EYS: variants seen among roughly 807,000 people sequenced by gnomAD.
EYS encodes the protein protein eyes shut homolog.
Under a neutral mutation model 282.1 loss-of-function variants are expected in EYS, and 250 were observed. The observed-to-expected ratio is 0.89, with a 90% CI of 0.80 to 0.98. EYS has a LOEUF of 0.98. Ranked by LOEUF, EYS falls within the 50% of genes least tolerant of loss-of-function variation. EYS has a pLI of 0.00. For missense variants in EYS, 4,016 were observed against 3,709.0 expected (o/e 1.08, Z -2.15); for synonymous variants, 1,355 against 1,282.9 (o/e 1.06, Z -1.20).
intron 12 of EYS, among the ~76,000 whole-genome samples, chr6:65,112,348 T>A (rs192974361): frequency 6.6e-6 from 1 of 152,244 alleles, no homozygotes; most frequent in East Asian, 1.9e-4. Context: ...TCAAATCTCA[T>A]GGCTAAAAAA....
intron 12 of EYS, among the ~76,000 whole-genome samples, chr6:65,146,582 G>C (rs1053435384): frequency 6.6e-6 from 1 of 151,834 alleles, no homozygotes; most frequent in African/African-American, 2.4e-5. Context: ...TGGTTGCTAC[G>C]TAATTACAAT....
chr6:64,985,773 A>C (rs1770839940), intron 14 of EYS, among the ~76,000 whole-genome samples: 1 of 151,504 alleles, frequency 6.6e-6, no homozygotes, highest in African/African-American at 2.4e-5. Flanking sequence ...GAATCTGGCA[A>C]TCTTAGACTG....
intron 41 of EYS, chr6:63,744,441 A>G: frequency 6.6e-6 from 1 of 152,232 alleles, no homozygotes; most frequent in Non-Finnish European, 1.5e-5. Flanking sequence ...GTCTAGCAGT[A>G]TCTGCTCCTC....
At chr6:64,166,040 A>C (rs940650132) in intron 31 of EYS, among the ~76,000 whole-genome samples, 1 of 148,876 alleles carries the variant, frequency 6.7e-6, no homozygotes, top group Non-Finnish European at 1.5e-5. Context: ...TTTTGTTATC[A>C]TGGGAGCTAA....
intron 33 of EYS, among the ~76,000 whole-genome samples, chr6:64,019,870 TTACA>T (rs1769102944): frequency 8.1e-6 from 1 of 122,938 alleles, no homozygotes. Flanking sequence ...ATATATATAC[TTACA>T]TATATAAGTG....
chr6:63,753,696 C>T (rs146200229), intron 41 of EYS, among the ~76,000 whole-genome samples: 1 of 152,274 alleles, frequency 6.6e-6, no homozygotes, highest in East Asian at 1.9e-4. Flanking sequence ...CAATCCCTCC[C>T]TTGATACATG....
At chr6:64,387,531 C>A (rs1003667198) in intron 29 of EYS, among the ~76,000 whole-genome samples, 3 of 151,970 alleles carry the variant, frequency 2.0e-5, no homozygotes, top group Non-Finnish European at 2.9e-5. Flanking sequence ...ATGTTTCATC[C>A]ATTCTTTAAC....
chr6:65,700,374 G>C (rs1289965876), intron 1 of EYS, among the ~76,000 whole-genome samples: 1 of 152,010 alleles, frequency 6.6e-6, no homozygotes, highest in East Asian at 1.9e-4. Context: ...AAGAGCTTTT[G>C]ACAATTGGGA....
chr6:63,870,638 T>C (rs1198880468), intron 35 of EYS, among the ~76,000 whole-genome samples: 1 of 152,182 alleles, frequency 6.6e-6, no homozygotes, highest in Non-Finnish European at 1.5e-5. Context: ...TGTTCTTGCT[T>C]CTAAATATGT....
chr6:65,186,134 C>T (rs1476485182), intron 12 of EYS, among the ~76,000 whole-genome samples: 2 of 151,636 alleles, frequency 1.3e-5, no homozygotes, highest in Non-Finnish European at 3.0e-5. Flanking sequence ...TATTAGCTAA[C>T]ATTTTCACTG....
chr6:63,946,508 A>G lies in EYS; in HGVS notation c.7055+37875T>C, dbSNP rs542767294. On this transcript the variant is annotated intron_variant, in intron 35 of 42. Transcript: ENST00000503581. ...TGGTAATCCTATTCACTTTTCATTAAGTTCTCTTTTATATAGGAGGTCTTA... is the reference window on the plus strand; with the variant it reads ...TGGTAATCCTATTCACTTTTCATTAGGTTCTCTTTTATATAGGAGGTCTTA... Among the ~76,000 whole-genome samples, 3 of 152,190 alleles carry G rather than the reference A, an allele frequency of 2.0e-5. No homozygotes were observed. The South Asian group carries it at 6.2e-4, about 32-fold the overall frequency.
chr6:63,875,510 C>T (rs1178216407), intron 35 of EYS, among the ~76,000 whole-genome samples: 2 of 152,204 alleles, frequency 1.3e-5, no homozygotes, highest in Non-Finnish European at 2.9e-5. Flanking sequence ...AGGAGTCCCT[C>T]TTTTTCTATT....
chr6:64,211,763 T>C (rs1412245576), intron 31 of EYS, among the ~76,000 whole-genome samples: 1 of 150,628 alleles, frequency 6.6e-6, no homozygotes, highest in Non-Finnish European at 1.5e-5. Context: ...TTACAGCCTT[T>C]TGTAATTTAT....
chr6:64,416,463 T>C (rs1023485783), intron 28 of EYS, among the ~76,000 whole-genome samples: 8 of 151,986 alleles, frequency 5.3e-5, no homozygotes, highest in Non-Finnish European at 1.0e-4. Context: ...CATATTTTAG[T>C]GTATGTGAAT....
chr6:63,908,684 C>T (rs1340001737), intron 35 of EYS, among the ~76,000 whole-genome samples: 3 of 151,858 alleles, frequency 2.0e-5, no homozygotes, highest in Non-Finnish European at 4.4e-5. Context: ...CTCCTGACCT[C>T]AGGTTATCCG....
intron 31 of EYS, among the ~76,000 whole-genome samples, chr6:64,124,589 T>C (rs1039314478): frequency 6.6e-6 from 1 of 152,180 alleles, no homozygotes; most frequent in Non-Finnish European, 1.5e-5. Flanking sequence ...ATATATAATT[T>C]TGAAAATATT....
At chr6:64,737,476 A>G (rs1209711800) in intron 22 of EYS, among the ~76,000 whole-genome samples, 1 of 152,338 alleles carries the variant, frequency 6.6e-6, no homozygotes, top group African/African-American at 2.4e-5. Flanking sequence ...TCTCTGAAGC[A>G]AAATCTGGAA....
At chr6:65,347,974 T>A (rs896412590) in intron 9 of EYS, among the ~76,000 whole-genome samples, 2 of 151,730 alleles carry the variant, frequency 1.3e-5, no homozygotes, top group Non-Finnish European at 2.9e-5. Context: ...CATGAGAACA[T>A]GTGAATTTGT....
intron 28 of EYS, among the ~76,000 whole-genome samples, chr6:64,422,250 C>T (rs1003753347): frequency 5.9e-5 from 9 of 152,000 alleles, no homozygotes; most frequent in African/African-American, 1.9e-4. Context: ...TTACTCGAAA[C>T]ATGTTACCTT....
Sources: gnomAD v4.1 joint callset for allele counts (sites outside exome capture counted in the v4.1 genomes callset) on GRCh38, gnomAD v4.1.1 for gene constraint, MANE v1.5 for transcripts, NCBI Gene and HGNC (gene_info 2026-07-23, HGNC 2026-07-21) for gene names.